Variants in PPP2R2D observed in about 807,000 individuals in gnomAD.
PPP2R2D encodes protein phosphatase 2 regulatory subunit Bdelta, also known as serine/threonine-protein phosphatase 2A 55 kDa regulatory subunit B delta isoform.
Under a neutral mutation model 31.1 loss-of-function variants are expected in PPP2R2D, and 9 were observed. The observed-to-expected ratio is 0.29, with a 90% CI of 0.17 to 0.51. The LOEUF is 0.51. Among genes scored for constraint, PPP2R2D ranks in the 20% least tolerant of loss-of-function variants. The pLI, the probability that PPP2R2D is intolerant of heterozygous loss-of-function variation, is 0.98. For synonymous variants in PPP2R2D, 179 were observed against 172.6 expected (o/e 1.04, Z -0.29); for missense variants, 391 against 465.6 (o/e 0.84, Z 1.48).
intron 3 of PPP2R2D, chr10:131,934,945 C>G (rs1331703996): frequency 2.2e-6 from 1 of 456,614 alleles, no homozygotes; most frequent in Non-Finnish European, 4.4e-6. Flanking sequence ...GAGCAGCTTT[C>G]TCAGCACTTC....
chr10:131,904,213 AAAAAAAG>A, intron 2 of PPP2R2D, among the ~76,000 whole-genome samples: 1 of 150,030 alleles, frequency 6.7e-6, no homozygotes, highest in South Asian at 2.1e-4. Flanking sequence ...CAAAAAAAAA[AAAAAAAG>A]GAGAGAGATG....
chr10:131,927,067 T>G (rs1305481050), intron 2 of PPP2R2D, among the ~76,000 whole-genome samples: 8 of 152,258 alleles, frequency 5.3e-5, no homozygotes, highest in African/African-American at 1.9e-4. Context: ...AGCAGTGGCT[T>G]CTTCCACTGC....
At chr10:131,905,616 C>G (rs1237271865) in intron 2 of PPP2R2D, among the ~76,000 whole-genome samples, 1 of 152,178 alleles carries the variant, frequency 6.6e-6, no homozygotes, top group Non-Finnish European at 1.5e-5. Flanking sequence ...GCTCGCAGTG[C>G]TTTTCCTATG....
intron 2 of PPP2R2D, among the ~76,000 whole-genome samples, chr10:131,910,707 T>C (rs1374737650): frequency 6.6e-6 from 1 of 152,216 alleles, no homozygotes; most frequent in Non-Finnish European, 1.5e-5. Flanking sequence ...GATGTCTTCG[T>C]AATGCGTTGG....
intron 2 of PPP2R2D, among the ~76,000 whole-genome samples, chr10:131,923,327 G>A (rs558486994): frequency 6.6e-6 from 1 of 152,138 alleles, no homozygotes; most frequent in South Asian, 2.1e-4. Context: ...CTCCTTTCCT[G>A]GTCAAACAGT....
intron 3 of PPP2R2D, among the ~76,000 whole-genome samples, chr10:131,937,090 G>GA (rs1167110757): frequency 1.3e-5 from 2 of 152,218 alleles, no homozygotes; most frequent in Non-Finnish European, 2.9e-5. Context: ...GTGCGTCTTA[G>GA]AATCGAAGGA....
rs570063216 is a variant in PPP2R2D at position 131,958,656 on chromosome 10, C to T, written c.*2693C>T. 528 of 251,964 alleles carry T rather than the reference C, an allele frequency of 2.1e-3. 1 individual carries two copies. The highest frequency in any genetic ancestry group is 4.3e-3 in the Middle Eastern group (3 of 696). The allele number at this position is 251,964 out of a possible 1,614,324, so 15.6% of individuals were successfully genotyped here. ...AGGTGTGTGCTGATCCCCCATCCCC[C>T]TGTGGAGATGAAGATGTGTGCTGAT... On this transcript the variant is annotated 3_prime_UTR_variant, in exon 9 of 9. Transcript: ENST00000455566.
chr10:131,919,197 TCAGG>T (rs1274229388), intron 2 of PPP2R2D, among the ~76,000 whole-genome samples: 1 of 121,890 alleles, frequency 8.2e-6, no homozygotes, highest in Non-Finnish European at 1.7e-5. Context: ...TGTAGCGACC[TCAGG>T]CGGGCGGAAT....
the PPP2R2D span, chr10:131,967,264 CA>C: frequency 2.6e-5 from 4 of 152,160 alleles, no homozygotes; most frequent in African/African-American, 9.7e-5. Flanking sequence ...TGATGGTGAC[CA>C]GGGGGTTCAC....
At chr10:131,960,271 A>G (rs1453612577), downstream of PPP2R2D, among the ~76,000 whole-genome samples, 4 of 152,274 alleles carry the variant, frequency 2.6e-5, no homozygotes, top group African/African-American at 9.6e-5. Flanking sequence ...AAAGTAGAAC[A>G]GTGTCATCAG....
At chr10:131,950,967 A>G (rs550895538) in intron 8 of PPP2R2D, among the ~76,000 whole-genome samples, 41 of 152,368 alleles carry the variant, frequency 2.7e-4, no homozygotes, top group African/African-American at 9.6e-4. Context: ...AACAAAATCC[A>G]CAAAAGGATA....
chr10:131,947,853 C>A lies in PPP2R2D; in HGVS notation c.1082+62C>A. The A allele has an allele frequency of 1.3e-6, 2 of 1,582,830 alleles. No homozygotes were observed. The highest frequency in any genetic ancestry group is 1.1e-5 in the South Asian group (1 of 87,092). On this transcript the variant is annotated intron_variant, in intron 8 of 8. Coordinates refer to ENST00000455566, the MANE Select transcript of PPP2R2D (RefSeq NM_018461.5). The surrounding 1 kb of genome is among the most constrained non-coding windows in gnomAD (Gnocchi z 4.3). Reference sequence around the variant, plus strand: ...TTGCTGGTTTCCGAGAGTGCAAGGTCAGTGAGGGAGGCGAGCTGTCCTCCA... The same window carrying A: ...TTGCTGGTTTCCGAGAGTGCAAGGTAAGTGAGGGAGGCGAGCTGTCCTCCA...
chr10:131,901,652 C>A (rs1181314966), intron 2 of PPP2R2D, among the ~76,000 whole-genome samples: 2 of 152,164 alleles, frequency 1.3e-5, no homozygotes, highest in East Asian at 3.9e-4. Flanking sequence ...CCCGGGGCTG[C>A]CTCCTGCCTG....
At chr10:131,935,383 T>C (rs897176542) in intron 3 of PPP2R2D, among the ~76,000 whole-genome samples, 6 of 152,198 alleles carry the variant, frequency 3.9e-5, no homozygotes, top group Non-Finnish European at 7.3e-5. Flanking sequence ...CAGTTTATCA[T>C]CTCCAAAGTC....
At chr10:131,919,483 A>G (rs187663710) in intron 2 of PPP2R2D, among the ~76,000 whole-genome samples, 3 of 125,334 alleles carry the variant, frequency 2.4e-5, no homozygotes, top group African/African-American at 9.2e-5. Context: ...GTGGAATGAC[A>G]CAGTGTTTGT....
At chr10:131,912,995 G>A (rs973754619) in intron 2 of PPP2R2D, among the ~76,000 whole-genome samples, 25 of 152,120 alleles carry the variant, frequency 1.6e-4, no homozygotes, top group Non-Finnish European at 3.5e-4. Context: ...ACTTAAAAAA[G>A]TCAGTCTGTA....
chr10:131,963,410 A>C (rs1554901763), downstream of PPP2R2D, among the ~76,000 whole-genome samples: 1 of 152,242 alleles, frequency 6.6e-6, no homozygotes, highest in Non-Finnish European at 1.5e-5. Context: ...CCCCTGGATC[A>C]TTTTGGATAC....
At chr10:131,906,980 T>C (rs1387838853) in intron 2 of PPP2R2D, among the ~76,000 whole-genome samples, 3 of 151,708 alleles carry the variant, frequency 2.0e-5, no homozygotes, top group Non-Finnish European at 2.9e-5. Context: ...TATGTATATA[T>C]ATAATCTTTG....
Position 131,945,279 on chromosome 10 carries a change from A to G in PPP2R2D, c.656-16A>G, listed in dbSNP as rs1554897804. The stretch of plus-strand genomic sequence containing the variant: ...CCAGCTGAGCTGAGCACTGTGCCTT[A>G]ACCATGCACTCCCAGACATCGTGGA... On this transcript the variant is annotated splice_polypyrimidine_tract_variant and intron_variant, in intron 6 of 8. Coordinates refer to ENST00000455566, the MANE Select transcript of PPP2R2D (RefSeq NM_018461.5). The surrounding 1 kb of genome is among the most constrained non-coding windows in gnomAD (Gnocchi z 4.8). 1.2e-6 allele frequency: 2 copies of G among 1,609,784 alleles called. No individual in the cohort carries two copies. The highest frequency in any genetic ancestry group is 1.7e-5 in the Admixed American group (1 of 59,708).
Sources: allele counts gnomAD v4.1 joint callset (sites outside exome capture counted in the v4.1 genomes callset), GRCh38; gene constraint gnomAD v4.1.1; non-coding constraint Gnocchi (gnomAD v3.1); transcripts MANE v1.5; gene names NCBI Gene and HGNC (gene_info 2026-07-23, HGNC 2026-07-21).